Variants in ERICH6B observed in about 807,000 individuals in gnomAD.
ERICH6B encodes glutamate rich 6B.
Under a neutral mutation model 80.0 loss-of-function variants are expected in ERICH6B, and 69 were observed. The ratio of observed to expected loss-of-function variants is 0.86; its 90% CI spans 0.71 to 1.05. The LOEUF is 1.05. Ranked by LOEUF, ERICH6B falls within the 50% of genes least tolerant of loss-of-function variation. ERICH6B has a pLI of 0.00. For synonymous variants in ERICH6B, 283 were observed against 291.9 expected (o/e 0.97, Z 0.31); for missense variants, 754 against 796.1 (o/e 0.95, Z 0.64).
chr13:45,583,419 A>G (rs1322737652), intron 5 of ERICH6B, among the ~76,000 whole-genome samples: 1 of 152,104 alleles, frequency 6.6e-6, no homozygotes, highest in Non-Finnish European at 1.5e-5. Context: ...GTTCACAGCC[A>G]TTTTCCTACA....
intron 14 of ERICH6B, among the ~76,000 whole-genome samples, chr13:45,542,981 A>G (rs560063641): frequency 1.3e-5 from 2 of 152,350 alleles, no homozygotes; most frequent in South Asian, 4.1e-4. Flanking sequence ...ACACAGCTGC[A>G]TCTATTCTGC....
In ERICH6B at chr13:45,614,083, T is replaced by C. The variant is rs775147401; in HGVS notation, c.-111+1602A>G. Among the ~76,000 whole-genome samples the C allele has an allele frequency of 7.0e-4, 107 of 152,296 alleles. 1 individual carries two copies. Among genetic ancestry groups the C allele is most frequent in the Non-Finnish European group, 1.4e-3 (94 of 68,018 alleles). ...TTGAGCTTCGGTAGACAGTTGTATG[T>C]GTCCCTTCCAACCAGAGACCTCAAT... On this transcript the variant is annotated intron_variant, in intron 1 of 14. Coordinates refer to ENST00000298738, the MANE Select transcript of ERICH6B (RefSeq NM_182542.3).
At chr13:45,591,561 A>C (rs982705582) in intron 3 of ERICH6B, among the ~76,000 whole-genome samples, 12 of 152,210 alleles carry the variant, frequency 7.9e-5, no homozygotes, top group Middle Eastern at 3.2e-3. Flanking sequence ...GCACCACTGC[A>C]CTCCAGCCTG....
intron 13 of ERICH6B, among the ~76,000 whole-genome samples, chr13:45,548,944 T>C (rs1461751395): frequency 2.0e-5 from 3 of 152,208 alleles, no homozygotes; most frequent in Admixed American, 2.0e-4. Flanking sequence ...GAACTATGTT[T>C]GGCTTTGACC....
chr13:45,552,690 C>G (rs551915918), intron 11 of ERICH6B, among the ~76,000 whole-genome samples: 17 of 152,046 alleles, frequency 1.1e-4, no homozygotes, highest in Admixed American at 1.0e-3. Context: ...TGTCATTGAA[C>G]AATAAGGCCT....
Position 45,568,468 on chromosome 13 carries a change from G to T in ERICH6B, c.1051-17C>A, listed in dbSNP as rs1875017318. ...GTTCAAAAACTACAAAAGGATCAAA[G>T]AATGAAATATTCAGAAAATGGAAAT... On this transcript the variant is annotated splice_polypyrimidine_tract_variant and intron_variant, in intron 8 of 14. Transcript: ENST00000298738. 1 of 1,474,816 alleles carries T rather than the reference G, an allele frequency of 6.8e-7. No individual in the cohort carries two copies. Among genetic ancestry groups the T allele is most frequent in the Admixed American group, 2.7e-5 (1 of 37,004 alleles). 91.4% of individuals were successfully genotyped at this position (1,474,816 alleles called of 1,614,324 possible).
At position 45,599,009 on chromosome 13, in the gene ERICH6B, G is replaced by A. The variant is rs1042694128; in HGVS notation, c.-58-1946C>T. 3.3e-5 allele frequency among the ~76,000 whole-genome samples: 5 copies of A among 152,348 alleles called. No individual in the cohort carries two copies. The South Asian group carries it at 1.0e-3, about 32-fold the overall frequency. On this transcript the variant is annotated intron_variant, in intron 2 of 14. Transcript: ENST00000298738. ...ACTCCACAAGTGCCATCTCCATCTGGCCCAAGCCTGCTTCCTCTCCCTTTT... is the reference window on the plus strand; with the variant it reads ...ACTCCACAAGTGCCATCTCCATCTGACCCAAGCCTGCTTCCTCTCCCTTTT...
chr13:45,579,994 A>T lies in ERICH6B; in HGVS notation c.920-20T>A. ...CATGCTCTAAAAAAGAATAAGAAAAATTATTAACAGGATACGGTATAGTGA... is the reference window on the plus strand; with the variant it reads ...CATGCTCTAAAAAAGAATAAGAAAATTTATTAACAGGATACGGTATAGTGA... On this transcript the variant is annotated intron_variant, in intron 6 of 14. Transcript: ENST00000298738. 2 of 1,329,948 alleles carry T rather than the reference A, an allele frequency of 1.5e-6. No individual in the cohort carries two copies. The highest frequency in any genetic ancestry group is 2.0e-6 in the Non-Finnish European group (2 of 1,015,130). 82.4% of individuals were successfully genotyped at this position (1,329,948 alleles called of 1,614,324 possible). A position where few individuals can be genotyped will look rare whatever the true frequency, so the allele number is the denominator to read the frequency against.
At chr13:45,601,081 T>C (rs1949824276) in intron 2 of ERICH6B, among the ~76,000 whole-genome samples, 2 of 152,188 alleles carry the variant, frequency 1.3e-5, no homozygotes, top group South Asian at 4.1e-4. Context: ...ATGTTTCTTG[T>C]TAATTTCCCA....
chr13:45,556,039 G>A (rs553456558), intron 11 of ERICH6B, among the ~76,000 whole-genome samples: 20 of 150,400 alleles, frequency 1.3e-4, no homozygotes, highest in African/African-American at 4.9e-4. Flanking sequence ...GGCTCAAATG[G>A]TACTTGTCCC....
At chr13:45,590,721 G>A (rs1593322540) in intron 3 of ERICH6B, 24 bp from the exon 4 acceptor site, 1 of 1,541,650 alleles carries the variant, frequency 6.5e-7, no homozygotes, top group Middle Eastern at 1.7e-4. Flanking sequence ...GAATAAAAAA[G>A]CAATATTGGC....
chr13:45,541,684 T>G lies in ERICH6B; in HGVS notation c.1873-4A>C, dbSNP rs1371943410. ...TCAGCACCTCTGGGATCACAAACTG[T>G]GGGGATTCACAGAGGACTGGGTGAG... On this transcript the variant is annotated splice_region_variant and splice_polypyrimidine_tract_variant and intron_variant, in intron 14 of 14. Transcript: ENST00000298738. 1 of 1,549,786 alleles carries G rather than the reference T, an allele frequency of 6.5e-7. No homozygotes were observed. Among genetic ancestry groups the G allele is most frequent in the Admixed American group, 2.0e-5 (1 of 50,984 alleles).
intron 1 of ERICH6B, among the ~76,000 whole-genome samples, chr13:45,614,147 A>T (rs1050792854): frequency 7.2e-5 from 11 of 152,164 alleles, no homozygotes; most frequent in Non-Finnish European, 1.5e-4. Flanking sequence ...AGGATCCAGT[A>T]CATATTTCTG....
chr13:45,590,589 C>A, intron 4 of ERICH6B, 60 bp downstream of exon 4: 1 of 1,484,810 alleles, frequency 6.7e-7, no homozygotes, highest in Non-Finnish European at 9.2e-7. Context: ...CCAAGGGCTG[C>A]TGAAACATTG....
chr13:45,570,847 G>A (rs1364765718), intron 8 of ERICH6B, among the ~76,000 whole-genome samples: 3 of 130,872 alleles, frequency 2.3e-5, no homozygotes, highest in Admixed American at 7.6e-5. Context: ...CAGGTGCCGT[G>A]TGGCATTCGC....
intron 8 of ERICH6B, among the ~76,000 whole-genome samples, chr13:45,571,910 C>G (rs1593787076): frequency 6.6e-6 from 1 of 152,150 alleles, no homozygotes; most frequent in Admixed American, 6.5e-5. Context: ...ACAGCCCTCA[C>G]AAGGAACCAA....
At chr13:45,553,298 G>A (rs938805613) in intron 11 of ERICH6B, among the ~76,000 whole-genome samples, 1 of 152,164 alleles carries the variant, frequency 6.6e-6, no homozygotes, top group Non-Finnish European at 1.5e-5. Flanking sequence ...GCTGGGGACC[G>A]CATTGCCAGT....
intron 11 of ERICH6B, among the ~76,000 whole-genome samples, chr13:45,558,731 C>T (rs1040499147): frequency 1.3e-5 from 2 of 152,132 alleles, no homozygotes; most frequent in Non-Finnish European, 2.9e-5. Flanking sequence ...TTGTGAATCA[C>T]ATTTATTGAC....
In ERICH6B at chr13:45,544,957, A is replaced by G; in HGVS notation, c.1675T>C (p.Tyr559His). The G allele has an allele frequency of 3.2e-6, 5 of 1,551,184 alleles. No homozygotes were observed. Among genetic ancestry groups the G allele is most frequent in the Non-Finnish European group, 4.4e-6 (5 of 1,147,008 alleles). The part of the protein sequence containing the change: ...WLNLSSNLGY[Y>H]FPKDKRQKAW... ...TTCTGGCGTTTGTCTTTGGGGAAGT[A>G]GTAGCCCAGGTTGGAGCTCAGGTTC... is the stretch of plus-strand genomic sequence containing the variant. Residue 559 changes from tyrosine to histidine, a missense_variant, in exon 14 of 15, where the codon TAC becomes CAC. Physicochemically the swap from Tyr to His is moderately conservative, Grantham distance 83. Transcript: ENST00000298738.
Sources: gnomAD v4.1 joint callset for allele counts (sites outside exome capture counted in the v4.1 genomes callset) on GRCh38, gnomAD v4.1.1 for gene constraint, MANE v1.5 for transcripts, NCBI Gene and HGNC (gene_info 2026-07-23, HGNC 2026-07-21) for gene names.